Variants in NMT2 observed in about 807,000 individuals in gnomAD.
NMT2 encodes N-myristoyltransferase 2, also known as glycylpeptide N-tetradecanoyltransferase 2.
NMT2 carries 35 observed loss-of-function variants against 65.4 expected under a neutral mutation model. The ratio of observed to expected loss-of-function variants is 0.54; its 90% CI spans 0.41 to 0.71. The LOEUF is 0.71. Ranked by LOEUF, NMT2 falls within the 30% of genes least tolerant of loss-of-function variation. The probability of loss-of-function intolerance (pLI) is 0.00; values close to 1 mark genes in which losing one functional copy is unlikely to be tolerated. For missense variants in NMT2, 489 were observed against 611.3 expected (o/e 0.80, Z 2.11); for synonymous variants, 226 against 231.8 (o/e 0.98, Z 0.23).
At chr10:15,158,646 T>A (rs1159355986) in intron 1 of NMT2, among the ~76,000 whole-genome samples, 1 of 152,176 alleles carries the variant, frequency 6.6e-6, no homozygotes, top group Non-Finnish European at 1.5e-5. Context: ...TACCTGTGAG[T>A]AGACAGGCAG....
intron 1 of NMT2, chr10:15,155,166 A>C (rs772655517): frequency 6.5e-7 from 1 of 1,532,184 alleles, no homozygotes; most frequent in South Asian, 1.1e-5. Context: ...AATTCTGTGA[A>C]AGCAGGAACC....
At chr10:15,164,113 G>A (rs978391261) in intron 1 of NMT2, among the ~76,000 whole-genome samples, 11 of 149,580 alleles carry the variant, frequency 7.4e-5, no homozygotes, top group Middle Eastern at 3.5e-3. Context: ...AACCTGGGAG[G>A]CAGAGCTTGC....
intron 1 of NMT2, among the ~76,000 whole-genome samples, chr10:15,162,989 T>C (rs1833253374): frequency 6.6e-6 from 1 of 151,834 alleles, no homozygotes; most frequent in Non-Finnish European, 1.5e-5. Context: ...TGGAGTACAG[T>C]AGTGCGATCA....
At chr10:15,164,294 T>G (rs1833304730) in intron 1 of NMT2, among the ~76,000 whole-genome samples, 1 of 152,220 alleles carries the variant, frequency 6.6e-6, no homozygotes, top group South Asian at 2.1e-4. Flanking sequence ...TTTATTTTGG[T>G]TCCTATATAA....
intron 10 of NMT2, chr10:15,111,631 A>G (rs202119710): frequency 6.6e-6 from 1 of 151,988 alleles, no homozygotes; most frequent in East Asian, 1.9e-4. Flanking sequence ...ATGTCAGACA[A>G]TAATACTATG....
At chr10:15,167,302 C>A (rs1833408886) in intron 1 of NMT2, among the ~76,000 whole-genome samples, 1 of 152,190 alleles carries the variant, frequency 6.6e-6, no homozygotes, top group Non-Finnish European at 1.5e-5. Flanking sequence ...TCTTTTTCTT[C>A]ATTTGTTAAT....
At chr10:15,146,808 TC>T (rs1184677966) in intron 1 of NMT2, among the ~76,000 whole-genome samples, 1 of 152,074 alleles carries the variant, frequency 6.6e-6, no homozygotes, top group Non-Finnish European at 1.5e-5. Flanking sequence ...AAGAGTGACA[TC>T]GGGCTGGGTG....
At chr10:15,166,328 G>A (rs980824394) in intron 1 of NMT2, among the ~76,000 whole-genome samples, 5 of 152,168 alleles carry the variant, frequency 3.3e-5, no homozygotes, top group African/African-American at 1.2e-4. Context: ...GGTGAAACAT[G>A]TTCTTACTGA....
chr10:15,115,974 C>T (rs1258605748), intron 9 of NMT2, among the ~76,000 whole-genome samples: 1 of 152,088 alleles, frequency 6.6e-6, no homozygotes, highest in Non-Finnish European at 1.5e-5. Flanking sequence ...TAGACAAATC[C>T]ACAATTACAG....
intron 1 of NMT2, among the ~76,000 whole-genome samples, chr10:15,165,361 G>C (rs1485842305): frequency 6.6e-6 from 1 of 152,112 alleles, no homozygotes; most frequent in African/African-American, 2.4e-5. Flanking sequence ...AATTCTAATT[G>C]CAAATCGTGT....
intron 1 of NMT2, among the ~76,000 whole-genome samples, chr10:15,152,455 G>A (rs1388347682): frequency 2.0e-5 from 3 of 152,238 alleles, no homozygotes; most frequent in Admixed American, 2.0e-4. Flanking sequence ...CAGGACTGGG[G>A]TCTCTCCTTT....
intron 1 of NMT2, among the ~76,000 whole-genome samples, chr10:15,146,411 G>C (rs748598182): frequency 1.3e-5 from 2 of 152,168 alleles, no homozygotes; most frequent in African/African-American, 4.8e-5. Context: ...AAAACCCATC[G>C]TTTCTCTCTC....
rs1845315204 is a variant in NMT2 at position 15,106,715 on chromosome 10, A to G, written c.*2480T>C. On this transcript the variant is annotated 3_prime_UTR_variant, in exon 12 of 12. Transcript: ENST00000378165. ...ACAAACTTTCTGTAAAAGACCAGAG[A>G]GTGAATATCTTAGGCTTTGCAGGCC... is the stretch of plus-strand genomic sequence containing the variant. 2 of 923,026 alleles carry G rather than the reference A, an allele frequency of 2.2e-6. No individual in the cohort carries two copies. The highest frequency in any genetic ancestry group is 2.6e-6 in the Non-Finnish European group (2 of 773,074). The allele number at this position is 923,026 out of a possible 1,614,324, so 57.2% of individuals were successfully genotyped here.
At chr10:15,158,924 C>A (rs1016360806) in intron 1 of NMT2, among the ~76,000 whole-genome samples, 2 of 152,102 alleles carry the variant, frequency 1.3e-5, no homozygotes, top group South Asian at 2.1e-4. Context: ...TATTTACCCC[C>A]CAAAGGTGCC....
chr10:15,160,108 G>A (rs920252655), intron 1 of NMT2, among the ~76,000 whole-genome samples: 1 of 152,214 alleles, frequency 6.6e-6, no homozygotes, highest in Non-Finnish European at 1.5e-5. Context: ...ACAGAAAGGC[G>A]TGAGCAGTAA....
intron 1 of NMT2, among the ~76,000 whole-genome samples, chr10:15,157,378 G>A (rs1424877471): frequency 1.3e-5 from 2 of 152,204 alleles, no homozygotes; most frequent in African/African-American, 4.8e-5. Flanking sequence ...GGCATAGGCT[G>A]CAGCAATGGG....
At chr10:15,130,415 T>A in intron 6 of NMT2, 103 bp from the exon 7 acceptor site, 2 of 909,562 alleles carry the variant, frequency 2.2e-6, no homozygotes, top group Non-Finnish European at 1.6e-6. Flanking sequence ...TATCCAAGAA[T>A]AAGAATGCAG....
At chr10:15,118,902 C>G (rs1232376072) in intron 9 of NMT2, among the ~76,000 whole-genome samples, 2 of 152,220 alleles carry the variant, frequency 1.3e-5, no homozygotes, top group Non-Finnish European at 2.9e-5. Flanking sequence ...CCCTGGAAAG[C>G]AGTTCCCAAA....
intron 1 of NMT2, among the ~76,000 whole-genome samples, chr10:15,152,107 C>T (rs908903715): frequency 6.6e-6 from 1 of 152,114 alleles, no homozygotes; most frequent in Non-Finnish European, 1.5e-5. Flanking sequence ...GTGATATGAG[C>T]CTGTGATATG....
Sources: allele counts gnomAD v4.1 joint callset (sites outside exome capture counted in the v4.1 genomes callset), GRCh38; gene constraint gnomAD v4.1.1; transcripts MANE v1.5; gene names NCBI Gene and HGNC (gene_info 2026-07-23, HGNC 2026-07-21).